KCNH8: variants seen among roughly 807,000 people sequenced by gnomAD.
KCNH8 encodes voltage-gated delayed rectifier potassium channel KCNH8.
A neutral mutation model predicts 103.6 loss-of-function variants in KCNH8; 70 were observed. The ratio of observed to expected loss-of-function variants is 0.68; its 90% CI spans 0.56 to 0.82. The LOEUF is 0.82. Among genes scored for constraint, KCNH8 ranks in the 40% least tolerant of loss-of-function variants. The probability of loss-of-function intolerance (pLI) is 0.00; values close to 1 mark genes in which losing one functional copy is unlikely to be tolerated. For synonymous variants in KCNH8, 498 were observed against 489.4 expected (o/e 1.02, Z -0.23); for missense variants, 1,217 against 1,329.9 (o/e 0.92, Z 1.32).
intron 5 of KCNH8, among the ~76,000 whole-genome samples, chr3:19,357,058 A>G (rs1295648595): frequency 6.6e-6 from 1 of 151,974 alleles, no homozygotes; most frequent in Non-Finnish European, 1.5e-5. Context: ...CAGGGAATAA[A>G]TTATGACTGT....
intron 1 of KCNH8, among the ~76,000 whole-genome samples, chr3:19,246,264 TG>T (rs1019132705): frequency 4.1e-4 from 59 of 143,304 alleles, no homozygotes; most frequent in Non-Finnish European, 6.7e-4. Context: ...GAAGTTTTTT[TG>T]TTGTTGTTGT....
At chr3:19,472,194 TCGTGTGTGTG>T (rs1408856307) in intron 11 of KCNH8, among the ~76,000 whole-genome samples, 1 of 112,564 alleles carries the variant, frequency 8.9e-6, no homozygotes, top group Non-Finnish European at 1.8e-5. Context: ...ATCACTTCAT[TCGTGTGTGTG>T]TGTGTGTGTG....
In KCNH8 at chr3:19,214,419, G is replaced by A. The variant is rs533948577; in HGVS notation, c.77-39235G>A. The stretch of plus-strand genomic sequence containing the variant: ...GGATAATTGCCCTTCATTAGTGGGT[G>A]CTGCCTAGCTCAGGAGGTTAGCCAC... On this transcript the variant is annotated intron_variant, in intron 1 of 15. Coordinates refer to ENST00000328405, the MANE Select transcript of KCNH8 (RefSeq NM_144633.3). Among the ~76,000 whole-genome samples the A allele has an allele frequency of 1.2e-4, 18 of 152,278 alleles. No homozygotes were observed. The South Asian group carries it at 3.7e-3, about 32-fold the overall frequency.
intron 1 of KCNH8, among the ~76,000 whole-genome samples, chr3:19,250,870 C>T (rs531253947): frequency 2.0e-5 from 3 of 152,288 alleles, no homozygotes; most frequent in African/African-American, 7.2e-5. Context: ...TCACCTCACT[C>T]TAGGACTTGC....
intron 11 of KCNH8, among the ~76,000 whole-genome samples, chr3:19,465,794 A>C (rs1318239286): frequency 6.6e-6 from 1 of 151,986 alleles, no homozygotes; most frequent in African/African-American, 2.4e-5. Context: ...AGGGGTTCCA[A>C]ACTTAAATGA....
chr3:19,461,506 T>C (rs2067627668), intron 11 of KCNH8, among the ~76,000 whole-genome samples: 1 of 152,100 alleles, frequency 6.6e-6, no homozygotes, highest in African/African-American at 2.4e-5. Flanking sequence ...ACCAAAAATA[T>C]CCAGTCACAC....
At chr3:19,502,799 C>G (rs1219352682) in intron 11 of KCNH8, among the ~76,000 whole-genome samples, 1 of 148,244 alleles carries the variant, frequency 6.7e-6, no homozygotes, top group African/African-American at 2.5e-5. Flanking sequence ...AAGACTTAAA[C>G]GTTAGACCTA....
chr3:19,206,983 C>T (rs1436593426), intron 1 of KCNH8, among the ~76,000 whole-genome samples: 1 of 151,838 alleles, frequency 6.6e-6, no homozygotes, highest in South Asian at 2.1e-4. Flanking sequence ...ATTTGGGGTG[C>T]CTGAGTTACC....
Position 19,234,520 on chromosome 3 carries a change from G to A in KCNH8, c.77-19134G>A, listed in dbSNP as rs555879527. Among the ~76,000 whole-genome samples, 8 of 152,360 alleles carry A rather than the reference G, an allele frequency of 5.3e-5. No homozygotes were observed. The East Asian group carries it at 9.7e-4, about 18-fold the overall frequency. Reference sequence around the variant, plus strand: ...CTCACTGCCCCAGGCGGGTGGGGCTGGCCGGCCAATCCGAGTGCGGGGTCC... The same window carrying A: ...CTCACTGCCCCAGGCGGGTGGGGCTAGCCGGCCAATCCGAGTGCGGGGTCC... On this transcript the variant is annotated intron_variant, in intron 1 of 15. Transcript: ENST00000328405.
chr3:19,232,866 A>C (rs2064012413), intron 1 of KCNH8, among the ~76,000 whole-genome samples: 1 of 152,214 alleles, frequency 6.6e-6, no homozygotes, highest in South Asian at 2.1e-4. Context: ...AGAGAATACT[A>C]TTCATGCTGT....
At chr3:19,428,253 C>T (rs2067058375) in intron 7 of KCNH8, among the ~76,000 whole-genome samples, 2 of 152,174 alleles carry the variant, frequency 1.3e-5, no homozygotes, top group Non-Finnish European at 2.9e-5. Context: ...TTACAACATA[C>T]TATTTTTATC....
At chr3:19,429,492 A>G (rs955328053) in intron 7 of KCNH8, among the ~76,000 whole-genome samples, 2 of 152,168 alleles carry the variant, frequency 1.3e-5, no homozygotes, top group African/African-American at 4.8e-5. Context: ...CTCTTCTAAC[A>G]AAGGCTGACA....
chr3:19,254,370 G>A (rs937116406), intron 2 of KCNH8, among the ~76,000 whole-genome samples: 1 of 151,810 alleles, frequency 6.6e-6, no homozygotes, highest in East Asian at 1.9e-4. Flanking sequence ...TTTCTTTTCC[G>A]GTTACCTAGC....
At chr3:19,300,409 G>T (rs1189082204) in intron 3 of KCNH8, among the ~76,000 whole-genome samples, 1 of 152,156 alleles carries the variant, frequency 6.6e-6, no homozygotes, top group Non-Finnish European at 1.5e-5. Flanking sequence ...ACAAGACAGA[G>T]AAACATAGTT....
intron 6 of KCNH8, among the ~76,000 whole-genome samples, chr3:19,391,376 T>C (rs1186375957): frequency 6.6e-6 from 1 of 152,010 alleles, no homozygotes; most frequent in Non-Finnish European, 1.5e-5. Context: ...AAAGAAACTT[T>C]TAGGGAGGCC....
chr3:19,474,933 C>A (rs1014182351), intron 11 of KCNH8, among the ~76,000 whole-genome samples: 2 of 152,106 alleles, frequency 1.3e-5, no homozygotes, highest in African/African-American at 4.8e-5. Context: ...ATATAGAGAA[C>A]AACGAAATAG....
intron 3 of KCNH8, among the ~76,000 whole-genome samples, chr3:19,302,767 G>C (rs373350414): frequency 1.3e-5 from 2 of 152,078 alleles, no homozygotes; most frequent in Non-Finnish European, 2.9e-5. Context: ...AAGCCCTCTT[G>C]AAGTTCATTC....
intron 11 of KCNH8, among the ~76,000 whole-genome samples, chr3:19,497,016 T>C (rs1250680797): frequency 6.6e-6 from 1 of 152,210 alleles, no homozygotes; most frequent in Non-Finnish European, 1.5e-5. Context: ...CAGTTTCTTC[T>C]AGATTTTCTA....
intron 11 of KCNH8, among the ~76,000 whole-genome samples, chr3:19,497,180 A>G (rs2068460796): frequency 6.7e-6 from 1 of 150,356 alleles, no homozygotes; most frequent in East Asian, 1.9e-4. Flanking sequence ...TGTCGTATTA[A>G]TTTTTTAAAA....
Sources: gnomAD v4.1 joint callset for allele counts (sites outside exome capture counted in the v4.1 genomes callset) on GRCh38, gnomAD v4.1.1 for gene constraint, MANE v1.5 for transcripts, NCBI Gene and HGNC (gene_info 2026-07-23, HGNC 2026-07-21) for gene names.